Variants in COL22A1 observed in about 807,000 individuals in gnomAD.
The protein encoded by COL22A1 is collagen alpha-1(XXII) chain.
A neutral mutation model predicts 248.9 loss-of-function variants in COL22A1; 221 were observed. The ratio of observed to expected loss-of-function variants is 0.89; its 90% CI spans 0.80 to 0.99. The LOEUF (loss-of-function observed/expected upper bound fraction) is 0.99. Ranked by LOEUF, COL22A1 falls within the 50% of genes least tolerant of loss-of-function variation. The probability of loss-of-function intolerance (pLI) is 0.00; values close to 1 mark genes in which losing one functional copy is unlikely to be tolerated. For synonymous variants in COL22A1, 891 were observed against 793.4 expected (o/e 1.12, Z -2.07); for missense variants, 2,240 against 2,179.0 (o/e 1.03, Z -0.56).
chr8:138,720,017 C>T (rs1466116102), intron 27 of COL22A1, among the ~76,000 whole-genome samples: 1 of 152,192 alleles, frequency 6.6e-6, no homozygotes, highest in African/African-American at 2.4e-5. Flanking sequence ...ACTCACACCA[C>T]ACACACATGG....
chr8:138,855,510 G>T (rs1227032795), intron 3 of COL22A1, among the ~76,000 whole-genome samples: 2 of 152,164 alleles, frequency 1.3e-5, no homozygotes, highest in Middle Eastern at 3.2e-3. Flanking sequence ...GAGTGCAGTG[G>T]GGCCTCTTGT....
At chr8:138,601,686 A>G (rs1327255453) in intron 60 of COL22A1, among the ~76,000 whole-genome samples, 1 of 152,180 alleles carries the variant, frequency 6.6e-6, no homozygotes, top group Non-Finnish European at 1.5e-5. Flanking sequence ...CGCCAAGGCA[A>G]TTCATTATGG....
At chr8:138,787,238 C>T (rs1815613611) in intron 12 of COL22A1, among the ~76,000 whole-genome samples, 1 of 151,126 alleles carries the variant, frequency 6.6e-6, no homozygotes, top group African/African-American at 2.4e-5. Context: ...ATATGTAAAG[C>T]TAAGGATCCA....
chr8:138,627,342 G>A (rs1023690122), intron 50 of COL22A1, among the ~76,000 whole-genome samples: 2 of 152,192 alleles, frequency 1.3e-5, no homozygotes, highest in South Asian at 4.1e-4. Flanking sequence ...TTTGTTAAAT[G>A]AAGTTTTATC....
intron 21 of COL22A1, among the ~76,000 whole-genome samples, chr8:138,753,078 A>T (rs1832735731): frequency 6.6e-6 from 1 of 152,204 alleles, no homozygotes; most frequent in African/African-American, 2.4e-5. Context: ...ATGTCACCAA[A>T]GCCACAAAAT....
intron 1 of COL22A1, among the ~76,000 whole-genome samples, chr8:138,891,645 A>G (rs1825079645): frequency 6.6e-6 from 1 of 152,128 alleles, no homozygotes; most frequent in Non-Finnish European, 1.5e-5. Flanking sequence ...GAGTCATGGG[A>G]AGGATTCAAT....
intron 3 of COL22A1, among the ~76,000 whole-genome samples, chr8:138,872,036 C>T (rs753192590): frequency 8.5e-5 from 13 of 152,162 alleles, no homozygotes; most frequent in South Asian, 6.2e-4. Flanking sequence ...GTAACTGAGA[C>T]GCAGAGGGCT....
intron 30 of COL22A1, among the ~76,000 whole-genome samples, chr8:138,712,976 C>T (rs573468308): frequency 2.0e-5 from 3 of 152,078 alleles, no homozygotes; most frequent in Non-Finnish European, 4.4e-5. Flanking sequence ...AGCAAATGGA[C>T]GTATCTTTGG....
intron 3 of COL22A1, among the ~76,000 whole-genome samples, chr8:138,870,521 T>G (rs1361297035): frequency 6.6e-6 from 1 of 151,504 alleles, no homozygotes; most frequent in Non-Finnish European, 1.5e-5. Flanking sequence ...GTGGTGTTTG[T>G]GCACATGTGC....
At chr8:138,851,097 G>A (rs1423065579) in intron 3 of COL22A1, among the ~76,000 whole-genome samples, 1 of 152,230 alleles carries the variant, frequency 6.6e-6, no homozygotes, top group Non-Finnish European at 1.5e-5. Context: ...AGGCAAGTCA[G>A]CCATGGTGTG....
rs7825723 is a variant in COL22A1, at chr8:138,755,842, G to A, written c.1903-13C>T. 1,071,841 of 1,609,958 alleles carry A rather than the reference G, an allele frequency of 0.67. 359,805 individuals are homozygous for A. Among genetic ancestry groups the A allele is most frequent in the East Asian group, 0.86 (38,646 of 44,850 alleles). On this transcript the variant is annotated splice_polypyrimidine_tract_variant and intron_variant, in intron 18 of 64. Transcript: ENST00000303045. ...GTCCCACGTCACCCTGCACAGAAACGACAAACATTTCAGCATAGTTACTGG... is the reference window on the plus strand; with the variant it reads ...GTCCCACGTCACCCTGCACAGAAACAACAAACATTTCAGCATAGTTACTGG...
intron 44 of COL22A1, among the ~76,000 whole-genome samples, chr8:138,657,794 A>G (rs1414939196): frequency 6.6e-6 from 1 of 152,090 alleles, no homozygotes; most frequent in African/African-American, 2.4e-5. Context: ...TTCTCGGTGC[A>G]TCCTCATCCC....
At chr8:138,910,335 A>T (rs1477332557) in intron 1 of COL22A1, among the ~76,000 whole-genome samples, 2 of 152,172 alleles carry the variant, frequency 1.3e-5, no homozygotes, top group Non-Finnish European at 1.5e-5. Context: ...GCACACACAC[A>T]TACACATGTA....
At chr8:138,591,896 C>T (rs138006257) in intron 63 of COL22A1, among the ~76,000 whole-genome samples, 1 of 152,298 alleles carries the variant, frequency 6.6e-6, no homozygotes, top group Non-Finnish European at 1.5e-5. Flanking sequence ...CAAATGTACA[C>T]ACCTACACAC....
intron 18 of COL22A1, among the ~76,000 whole-genome samples, chr8:138,756,632 A>G (rs1833026035): frequency 6.6e-6 from 1 of 152,282 alleles, no homozygotes; most frequent in Non-Finnish European, 1.5e-5. Flanking sequence ...ACCTGTTGTT[A>G]ATGAAGCTAG....
intron 41 of COL22A1, among the ~76,000 whole-genome samples, chr8:138,672,212 T>C (rs1825094532): frequency 6.6e-6 from 1 of 152,122 alleles, no homozygotes; most frequent in African/African-American, 2.4e-5. Context: ...TTTCCTCACT[T>C]GTAAAATGAA....
intron 3 of COL22A1, among the ~76,000 whole-genome samples, chr8:138,845,913 A>G (rs1306735396): frequency 1.3e-5 from 2 of 152,170 alleles, no homozygotes; most frequent in African/African-American, 4.8e-5. Flanking sequence ...TATTATAATC[A>G]CACATTATTA....
At chr8:138,652,995 C>T (rs945482701) in intron 45 of COL22A1, among the ~76,000 whole-genome samples, 1 of 152,028 alleles carries the variant, frequency 6.6e-6, no homozygotes, top group Non-Finnish European at 1.5e-5. Context: ...GATCCACCTG[C>T]TTCGGCCTCC....
chr8:138,647,250 G>T (rs1017988193), intron 46 of COL22A1, among the ~76,000 whole-genome samples: 1 of 152,188 alleles, frequency 6.6e-6, no homozygotes, highest in Non-Finnish European at 1.5e-5. Context: ...TGGATGGAAG[G>T]GGATCTTCTA....
Sources: gnomAD v4.1 joint callset for allele counts (sites outside exome capture counted in the v4.1 genomes callset) on GRCh38, gnomAD v4.1.1 for gene constraint, MANE v1.5 for transcripts, NCBI Gene and HGNC (gene_info 2026-07-23, HGNC 2026-07-21) for gene names.